TAMM41: variants seen among roughly 807,000 people sequenced by gnomAD.
The protein encoded by TAMM41 is TAM41 mitochondrial translocator assembly and maintenance homolog.
A neutral mutation model predicts 44.1 loss-of-function variants in TAMM41; 36 were observed. The observed-to-expected ratio is 0.82, with a 90% confidence interval of 0.63 to 1.08. The LOEUF (loss-of-function observed/expected upper bound fraction) is 1.08. Ranked by LOEUF, TAMM41 falls within the 50% of genes least tolerant of loss-of-function variation. TAMM41 has a pLI of 0.00. For synonymous variants in TAMM41, 164 were observed against 153.1 expected (o/e 1.07, Z -0.53); for missense variants, 417 against 404.3 (o/e 1.03, Z -0.27).
intron 4 of TAMM41, among the ~76,000 whole-genome samples, chr3:11,828,690 C>T (rs979349838): frequency 1.8e-4 from 27 of 152,276 alleles, no homozygotes; most frequent in Non-Finnish European, 1.5e-4. Flanking sequence ...TGGAAGCACC[C>T]AGAGACCAAG....
At chr3:11,766,315 C>A in the TAMM41 span, among the ~76,000 whole-genome samples, 1 of 151,972 alleles carries the variant, frequency 6.6e-6, no homozygotes, top group Admixed American at 6.6e-5. Context: ...CAGGCATGCA[C>A]CACCATGCTC....
At chr3:11,813,006 G>A (rs1257161232) in intron 5 of TAMM41, among the ~76,000 whole-genome samples, 4 of 152,130 alleles carry the variant, frequency 2.6e-5, no homozygotes, top group African/African-American at 7.2e-5. Flanking sequence ...TAAGTTTCCT[G>A]GGAAAAGAAA....
the TAMM41 span, among the ~76,000 whole-genome samples, chr3:11,736,518 T>C: frequency 6.6e-6 from 1 of 152,228 alleles, no homozygotes; most frequent in East Asian, 1.9e-4. Context: ...TGGTTTCTGT[T>C]AGGTTACCTT....
the TAMM41 span, among the ~76,000 whole-genome samples, chr3:11,782,288 G>A: frequency 6.6e-6 from 1 of 152,152 alleles, no homozygotes; most frequent in Non-Finnish European, 1.5e-5. Context: ...GCTCACACCT[G>A]TAGTCCTAGC....
the TAMM41 span, among the ~76,000 whole-genome samples, chr3:11,729,563 T>A: frequency 2.6e-4 from 25 of 96,622 alleles, no homozygotes; most frequent in South Asian, 4.2e-4. Context: ...TTTTTTTTTT[T>A]TTTTTTTTTT....
At chr3:11,764,118 C>T in the TAMM41 span, among the ~76,000 whole-genome samples, 6 of 152,048 alleles carry the variant, frequency 3.9e-5, no homozygotes, top group Admixed American at 1.3e-4. Flanking sequence ...ATCCTCCCAC[C>T]TCAGCCTCCC....
chr3:11,844,136 T>TC lies in TAMM41; in HGVS notation c.210dup (p.Ser71GlufsTer20), dbSNP rs1219458518. On this transcript the variant is annotated frameshift_variant, in exon 2 of 8. Coordinates refer to ENST00000455809, the MANE Select transcript of TAMM41 (RefSeq NM_001284401.2). LOFTEE classifies it high-confidence loss of function. ...AAAACTTTTAGGAAAGAGTAGTGACTCCAATTTTTCTTCAGGTTCTTTGAA... is the reference window on the plus strand; with the variant it reads ...AAAACTTTTAGGAAAGAGTAGTGACTCCCAATTTTTCTTCAGGTTCTTTGAA... 6.2e-7 allele frequency: 1 copy of TC among 1,614,088 alleles called. No homozygotes were observed. Among genetic ancestry groups the TC allele is most frequent in the African/African-American group, 1.3e-5 (1 of 74,932 alleles).
intron 2 of TAMM41, among the ~76,000 whole-genome samples, chr3:11,841,379 G>A (rs576246219): frequency 5.9e-5 from 9 of 152,064 alleles, no homozygotes; most frequent in Admixed American, 3.9e-4. Flanking sequence ...TGCCGTGCCC[G>A]GACAGTTAAG....
chr3:11,811,034 A>AGC (rs1379516317), intron 5 of TAMM41: 1 of 152,192 alleles, frequency 6.6e-6, no homozygotes, highest in Non-Finnish European at 1.5e-5. Flanking sequence ...TGATTGTGCC[A>AGC]CTGCACTACA....
At chr3:11,820,520 T>A (rs2078472562) in intron 4 of TAMM41, among the ~76,000 whole-genome samples, 2 of 152,192 alleles carry the variant, frequency 1.3e-5, no homozygotes, top group South Asian at 4.1e-4. Flanking sequence ...CATCCTTAGC[T>A]CCTTGTGCAC....
intron 1 of TAMM41, chr3:11,844,929 G>C: frequency 2.2e-6 from 1 of 456,738 alleles, no homozygotes; most frequent in Non-Finnish European, 4.4e-6. Context: ...GCACAGGAGG[G>C]AGAAATTCTC....
intron 3 of TAMM41, chr3:11,833,077 A>C (rs2079045462): frequency 8.0e-7 from 1 of 1,256,012 alleles, no homozygotes; most frequent in South Asian, 1.3e-5. Context: ...TGAACTAGGA[A>C]CTTGTCTCAG....
intron 7 of TAMM41, among the ~76,000 whole-genome samples, chr3:11,802,560 A>G (rs1191898197): frequency 6.6e-6 from 1 of 152,202 alleles, no homozygotes; most frequent in Non-Finnish European, 1.5e-5. Flanking sequence ...ACTAATAAAA[A>G]TCTCCCAAGA....
downstream of TAMM41, among the ~76,000 whole-genome samples, chr3:11,787,005 G>T (rs1478609250): frequency 6.6e-6 from 1 of 152,298 alleles, no homozygotes; most frequent in East Asian, 1.9e-4. Flanking sequence ...TTCTGTCATA[G>T]TCACAGTGGC....
At chr3:11,793,059 CAAAAAAAA>C (rs61264653) in intron 7 of TAMM41, among the ~76,000 whole-genome samples, 1,206 of 65,140 alleles carry the variant, frequency 0.019, 17 homozygotes, top group African/African-American at 0.063. Context: ...GGCCCCATCT[CAAAAAAAA>C]AAAAAAAAAA....
chr3:11,823,961 GA>G (rs1575673272), intron 4 of TAMM41, among the ~76,000 whole-genome samples: 1 of 151,384 alleles, frequency 6.6e-6, no homozygotes, highest in African/African-American at 2.4e-5. Context: ...AAGTAACTGG[GA>G]TTACAGGTGC....
At chr3:11,815,774 T>C (rs936104073) in intron 5 of TAMM41, among the ~76,000 whole-genome samples, 4 of 151,760 alleles carry the variant, frequency 2.6e-5, no homozygotes, top group African/African-American at 9.7e-5. Context: ...AAGTGTAAGA[T>C]TGAAAAAAAA....
At chr3:11,780,075 G>A in the TAMM41 span, among the ~76,000 whole-genome samples, 10 of 152,098 alleles carry the variant, frequency 6.6e-5, no homozygotes, top group Non-Finnish European at 1.3e-4. Context: ...CCCCTTTCTA[G>A]TCTATTCTCC....
At chr3:11,723,424 C>T in the TAMM41 span, among the ~76,000 whole-genome samples, 2 of 151,600 alleles carry the variant, frequency 1.3e-5, no homozygotes, top group Non-Finnish European at 2.9e-5. Flanking sequence ...TACAAAAAAT[C>T]CAAAAATTAG....
Sources: gnomAD v4.1 joint callset for allele counts (sites outside exome capture counted in the v4.1 genomes callset) on GRCh38, gnomAD v4.1.1 for gene constraint, MANE v1.5 for transcripts, NCBI Gene and HGNC (gene_info 2026-07-23, HGNC 2026-07-21) for gene names.